Variants in SNX9 observed in about 807,000 individuals in gnomAD.
SNX9 encodes sorting nexin 9, also known as sorting nexin-9.
A neutral mutation model predicts 89.4 loss-of-function variants in SNX9; 44 were observed. The ratio of observed to expected loss-of-function variants is 0.49; its 90% confidence interval spans 0.39 to 0.63. SNX9 has a LOEUF of 0.63. SNX9 is among the 30% of genes least tolerant of loss of function. The pLI, the probability that SNX9 is intolerant of heterozygous loss-of-function variation, is 0.00. For missense variants in SNX9, 578 were observed against 736.1 expected, an observed-to-expected ratio of 0.79 and a Z score of 2.49; for synonymous variants, 236 against 247.8, an observed-to-expected ratio of 0.95 and a Z score of 0.45.
At chr6:157,889,065 A>T (rs1782798949) in intron 4 of SNX9, among the ~76,000 whole-genome samples, 1 of 152,194 alleles carries the variant, frequency 6.6e-6, no homozygotes, top group East Asian at 1.9e-4. Flanking sequence ...TGAGTGAAGG[A>T]GCCGAGGGGA....
chr6:157,839,687 G>A (rs1767886232), intron 1 of SNX9, among the ~76,000 whole-genome samples: 1 of 152,202 alleles, frequency 6.6e-6, no homozygotes, highest in Admixed American at 6.5e-5. Flanking sequence ...ACCGCCTCTT[G>A]CCCAGGGTGA....
intron 1 of SNX9, among the ~76,000 whole-genome samples, chr6:157,843,651 G>A (rs142294484): frequency 1.3e-5 from 2 of 152,248 alleles, no homozygotes; most frequent in African/African-American, 4.8e-5. Flanking sequence ...AACTTAAAAT[G>A]TATAATGTGC....
chr6:157,884,909 ATTG>A (rs1483185962), intron 4 of SNX9, among the ~76,000 whole-genome samples: 1 of 152,134 alleles, frequency 6.6e-6, no homozygotes, highest in African/African-American at 2.4e-5. Flanking sequence ...ACCAGCCAGC[ATTG>A]TTATACGTAC....
chr6:157,925,292 C>T (rs115475375), intron 10 of SNX9, among the ~76,000 whole-genome samples: 3,907 of 150,928 alleles, frequency 0.026, 154 homozygotes, highest in African/African-American at 0.073. Context: ...ACATTAAAAC[C>T]ACAATAAGAT....
chr6:157,839,797 C>T (rs980448226), intron 1 of SNX9, among the ~76,000 whole-genome samples: 16 of 152,058 alleles, frequency 1.1e-4, no homozygotes, highest in Non-Finnish European at 2.2e-4. Flanking sequence ...TCCTCCTGCC[C>T]CTCAGTTTAG....
At chr6:157,870,026 C>T (rs1261780604) in intron 2 of SNX9, among the ~76,000 whole-genome samples, 1 of 152,054 alleles carries the variant, frequency 6.6e-6, no homozygotes, top group Non-Finnish European at 1.5e-5. Context: ...GTCGCATGCT[C>T]ACACACATAG....
Position 157,823,632 on chromosome 6 carries a change from A to G in SNX9, c.12+186A>G, listed in dbSNP as rs1390135479. On this transcript the variant is annotated intron_variant, in intron 1 of 17. Coordinates refer to ENST00000392185, the MANE Select transcript of SNX9 (RefSeq NM_016224.5). The surrounding 1 kb of genome is among the most constrained non-coding windows in gnomAD (Gnocchi z 4.6). The stretch of plus-strand genomic sequence containing the variant: ...CCTTCTGGGCATGGGTGCGGCGGGC[A>G]GTGCAGACAGACCACCAGGATCGCA... Among the ~76,000 whole-genome samples, 4 of 151,696 alleles carry G rather than the reference A, an allele frequency of 2.6e-5. No homozygotes were observed. The highest frequency in any genetic ancestry group is 9.7e-5 in the African/African-American group (4 of 41,320).
chr6:157,826,327 T>C (rs1287225851), intron 1 of SNX9, among the ~76,000 whole-genome samples: 2 of 151,698 alleles, frequency 1.3e-5, no homozygotes, highest in African/African-American at 4.8e-5. Context: ...TGAAACTCCA[T>C]CTATACTAAA....
At chr6:157,863,800 C>T (rs775572239) in intron 1 of SNX9, among the ~76,000 whole-genome samples, 15 of 152,104 alleles carry the variant, frequency 9.9e-5, no homozygotes, top group South Asian at 6.2e-4. Flanking sequence ...TGGGAGATGA[C>T]GCCCAAAAGC....
At chr6:157,845,299 C>T (rs565512499) in intron 1 of SNX9, among the ~76,000 whole-genome samples, 2 of 152,014 alleles carry the variant, frequency 1.3e-5, no homozygotes, top group South Asian at 2.1e-4. Flanking sequence ...TTAGTAGAGA[C>T]GGCGTTTCAC....
chr6:157,831,878 C>G (rs1265237972), intron 1 of SNX9, among the ~76,000 whole-genome samples: 2 of 152,186 alleles, frequency 1.3e-5, no homozygotes, highest in Non-Finnish European at 2.9e-5. Context: ...TTATAGCAGA[C>G]TGTCAAGTGA....
chr6:157,844,600 G>GTTTGTTTTTTTTTTTTTTTTTTT (rs1781767359), intron 1 of SNX9, among the ~76,000 whole-genome samples: 1 of 131,806 alleles, frequency 7.6e-6, no homozygotes, highest in Non-Finnish European at 1.6e-5. Context: ...TTTTTTTTTT[G>GTTTGTTTTTTTTTTTTTTTTTTT]TTTTTTTTTT....
chr6:157,866,367 A>G (rs1245760675), intron 1 of SNX9, among the ~76,000 whole-genome samples: 1 of 152,200 alleles, frequency 6.6e-6, no homozygotes, highest in Non-Finnish European at 1.5e-5. Context: ...TGAGCCCAGG[A>G]GTTTGAGACC....
At chr6:157,907,457 G>T (rs111717409) in intron 7 of SNX9, among the ~76,000 whole-genome samples, 2,272 of 152,044 alleles carry the variant, frequency 0.015, 61 homozygotes, top group African/African-American at 0.052. Flanking sequence ...AATTTTTTTT[G>T]TATTTTATAG....
At chr6:157,936,706 T>G (rs539217557) in intron 14 of SNX9, among the ~76,000 whole-genome samples, 2 of 152,176 alleles carry the variant, frequency 1.3e-5, no homozygotes, top group Non-Finnish European at 2.9e-5. Context: ...TTCTTAAGAT[T>G]TAATAGCTCA....
At chr6:157,929,042 TCATC>T (rs1783755176) in intron 12 of SNX9, among the ~76,000 whole-genome samples, 1 of 152,210 alleles carries the variant, frequency 6.6e-6, no homozygotes, top group African/African-American at 2.4e-5. Flanking sequence ...TTTTTAATCT[TCATC>T]CATTTGGTAA....
At chr6:157,853,861 T>A in intron 1 of SNX9, among the ~76,000 whole-genome samples, 1 of 152,186 alleles carries the variant, frequency 6.6e-6, no homozygotes. Flanking sequence ...CCCTATTCTA[T>A]GGGCTTTATT....
At chr6:157,930,981 T>G (rs1041373540) in intron 12 of SNX9, among the ~76,000 whole-genome samples, 6 of 152,246 alleles carry the variant, frequency 3.9e-5, no homozygotes, top group African/African-American at 1.4e-4. Flanking sequence ...TGATATCTTT[T>G]TAAAAATTAA....
intron 9 of SNX9, among the ~76,000 whole-genome samples, chr6:157,916,326 G>C (rs1285023303): frequency 6.6e-6 from 1 of 152,146 alleles, no homozygotes; most frequent in East Asian, 1.9e-4. Context: ...GAGCCACCGT[G>C]CCCGGCCCTC....
Sources: gnomAD v4.1 joint callset for allele counts (sites outside exome capture counted in the v4.1 genomes callset) on GRCh38, gnomAD v4.1.1 for gene constraint, Gnocchi (gnomAD v3.1) non-coding constraint, MANE v1.5 for transcripts, NCBI Gene and HGNC (gene_info 2026-07-23, HGNC 2026-07-21) for gene names.